The following EXPH5 variants were observed in gnomAD, a reference collection of about 807,000 sequenced individuals.
EXPH5 encodes the protein exophilin 5.
In EXPH5, 42 loss-of-function variants were observed where a neutral mutation model predicts 41.1. The observed-to-expected ratio is 1.02, with a 90% CI of 0.80 to 1.32. EXPH5 has a LOEUF of 1.32. Among genes scored for constraint, EXPH5 ranks in the 40% most tolerant of loss-of-function variants. The pLI is 0.00. For synonymous variants in EXPH5, 798 were observed against 833.5 expected (o/e 0.96, Z 0.73); for missense variants, 2,298 against 2,314.5 (o/e 0.99, Z 0.15).
chr11:108,544,744 A>G (rs1158382802), intron 1 of EXPH5, among the ~76,000 whole-genome samples: 1 of 152,248 alleles, frequency 6.6e-6, no homozygotes, highest in African/African-American at 2.4e-5. Flanking sequence ...GGGAAAATGC[A>G]TATGACAAAA....
upstream of EXPH5, among the ~76,000 whole-genome samples, chr11:108,596,215 G>A (rs969484854): frequency 6.6e-6 from 1 of 152,004 alleles, no homozygotes; most frequent in Non-Finnish European, 1.5e-5. Flanking sequence ...TGAACTTTGG[G>A]TAGATTACTC....
chr11:108,513,782 A>C lies in EXPH5; in HGVS notation c.1725T>G (p.Pro575=), dbSNP rs1226352546. 2.5e-6 allele frequency: 4 copies of C among 1,601,324 alleles called. No homozygotes were observed. Among genetic ancestry groups the C allele is most frequent in the East Asian group, 2.2e-5 (1 of 44,882 alleles). Residue 575 remains proline (P), a synonymous_variant, in exon 6 of 6, where the codon CCT becomes CCG. Coordinates refer to ENST00000265843, the MANE Select transcript of EXPH5 (RefSeq NM_015065.3). ...VSHGNETQLT[P]HFGTPNVCSM... ...AGCAAACATTTGGTGTGCCAAAATGAGGAGTCAACTGGGTCTCATTACCAT... is the reference window on the plus strand; with the variant it reads ...AGCAAACATTTGGTGTGCCAAAATGCGGAGTCAACTGGGTCTCATTACCAT...
chr11:108,544,338 G>A (rs1565812321), intron 1 of EXPH5, among the ~76,000 whole-genome samples: 1 of 151,894 alleles, frequency 6.6e-6, no homozygotes, highest in African/African-American at 2.4e-5. Context: ...CACCATCCCT[G>A]ACTAATTTTT....
chr11:108,534,072 G>A (rs977200660), intron 3 of EXPH5, among the ~76,000 whole-genome samples: 20 of 152,168 alleles, frequency 1.3e-4, no homozygotes, highest in African/African-American at 4.8e-4. Flanking sequence ...TGAGATTACA[G>A]GCGGCCACCA....
the EXPH5 span, among the ~76,000 whole-genome samples, chr11:108,601,797 G>A: frequency 6.6e-6 from 1 of 150,986 alleles, no homozygotes; most frequent in Non-Finnish European, 1.5e-5. Flanking sequence ...CATACAGGCT[G>A]TAGTGCAGTG....
intron 1 of EXPH5, among the ~76,000 whole-genome samples, chr11:108,572,731 G>T (rs1321671175): frequency 6.6e-6 from 1 of 151,870 alleles, no homozygotes. Flanking sequence ...GCTAATTTTT[G>T]TATTTTTAGT....
the EXPH5 span, among the ~76,000 whole-genome samples, chr11:108,605,162 C>T: frequency 6.6e-6 from 1 of 152,106 alleles, no homozygotes; most frequent in Non-Finnish European, 1.5e-5. Context: ...GATGGTGTAG[C>T]ACCTTGAAAG....
At chr11:108,529,264 T>C (rs2093820872) in intron 3 of EXPH5, among the ~76,000 whole-genome samples, 1 of 152,208 alleles carries the variant, frequency 6.6e-6, no homozygotes. Flanking sequence ...ACTATTTGTG[T>C]TGCTTTCTCA....
chr11:108,605,522 G>A, the EXPH5 span, among the ~76,000 whole-genome samples: 1 of 152,168 alleles, frequency 6.6e-6, no homozygotes, highest in Admixed American at 6.5e-5. Flanking sequence ...AGGGTAGAGG[G>A]CAGAGATGCG....
In EXPH5 at chr11:108,509,660, G is replaced by C; in HGVS notation, c.5847C>G (p.Gly1949=). Residue 1949 remains glycine, a synonymous_variant, in exon 6 of 6, where the codon GGC becomes GGG. Transcript: ENST00000265843. ...NSPSSQVPED[G]LSPSEPLNIY... is the part of the protein sequence containing the mutation. ...TATTAAGCGGTTCACTTGGAGATAA[G>C]CCATCTTCTGGCACCTGACTACTGG... 1 of 1,614,008 alleles carries C rather than the reference G, an allele frequency of 6.2e-7. No individual in the cohort carries two copies. The highest frequency in any genetic ancestry group is 8.5e-7 in the Non-Finnish European group (1 of 1,179,968).
chr11:108,516,117 T>G (rs1279694036), intron 5 of EXPH5, among the ~76,000 whole-genome samples: 1 of 152,004 alleles, frequency 6.6e-6, no homozygotes, highest in Non-Finnish European at 1.5e-5. Flanking sequence ...CTTTTCATAT[T>G]TTGCTCTTTA....
upstream of EXPH5, among the ~76,000 whole-genome samples, chr11:108,595,843 T>C (rs909688442): frequency 1.3e-5 from 2 of 152,210 alleles, no homozygotes; most frequent in African/African-American, 4.8e-5. Flanking sequence ...TGATGAAATC[T>C]AGACTTCATT....
intron 4 of EXPH5, among the ~76,000 whole-genome samples, chr11:108,524,892 C>T (rs912111000): frequency 2.3e-4 from 35 of 152,212 alleles, no homozygotes; most frequent in Admixed American, 1.2e-3. Context: ...TGGGGATACA[C>T]AGCCTGATAT....
chr11:108,601,803 C>T, the EXPH5 span, among the ~76,000 whole-genome samples: 1 of 151,544 alleles, frequency 6.6e-6, no homozygotes, highest in Non-Finnish European at 1.5e-5. Flanking sequence ...GGCTGTAGTG[C>T]AGTGGTGCAA....
At chr11:108,556,416 A>G (rs1475622035) in intron 1 of EXPH5, among the ~76,000 whole-genome samples, 2 of 151,978 alleles carry the variant, frequency 1.3e-5, no homozygotes, top group Non-Finnish European at 2.9e-5. Flanking sequence ...CTACTACAGG[A>G]GAAGGTCAGT....
chr11:108,603,980 T>A, the EXPH5 span, among the ~76,000 whole-genome samples: 1 of 152,194 alleles, frequency 6.6e-6, no homozygotes, highest in Non-Finnish European at 1.5e-5. Flanking sequence ...AGGCTGTTAT[T>A]CACGAGTTGA....
At chr11:108,561,164 A>G (rs2094009962) in intron 1 of EXPH5, among the ~76,000 whole-genome samples, 1 of 152,250 alleles carries the variant, frequency 6.6e-6, no homozygotes, top group Non-Finnish European at 1.5e-5. Flanking sequence ...ATGTCAATGC[A>G]AAGAAGCAGT....
intron 1 of EXPH5, among the ~76,000 whole-genome samples, chr11:108,588,861 G>A (rs1438157164): frequency 6.6e-6 from 1 of 152,182 alleles, no homozygotes; most frequent in Non-Finnish European, 1.5e-5. Context: ...TGTATTGCCT[G>A]TGGGGACAAA....
intron 4 of EXPH5, 123 bp downstream of exon 4, chr11:108,528,013 A>T (rs369058398): frequency 1.6e-6 from 1 of 630,992 alleles, no homozygotes; most frequent in East Asian, 2.8e-5. Context: ...TTAGGGAGAA[A>T]TCCAAGCTTC....
Sources: allele counts gnomAD v4.1 joint callset (sites outside exome capture counted in the v4.1 genomes callset), GRCh38; gene constraint gnomAD v4.1.1; transcripts MANE v1.5; gene names NCBI Gene and HGNC (gene_info 2026-07-23, HGNC 2026-07-21).